The following DNAH11 variants were observed in gnomAD, a reference collection of about 807,000 sequenced individuals.
DNAH11 encodes dynein axonemal heavy chain 11, also known as axonemal beta dynein heavy chain 11.
Under a neutral mutation model 526.0 loss-of-function variants are expected in DNAH11, and 442 were observed. That is an observed-to-expected ratio of 0.84 (90% CI 0.78 to 0.91). The LOEUF (loss-of-function observed/expected upper bound fraction) is 0.91. Ranked by LOEUF, DNAH11 falls within the 40% of genes least tolerant of loss-of-function variation. DNAH11 has a pLI of 0.00. For synonymous variants in DNAH11, 2,461 were observed against 1,935.9 expected, an observed-to-expected ratio of 1.27 and a Z score of -7.12; for missense variants, 6,989 against 5,448.7, an observed-to-expected ratio of 1.28 and a Z score of -8.90.
rs1784869432 is a variant in DNAH11, at chr7:21,901,664, C to T, written c.*410C>T. 1 of 156,832 alleles carries T rather than the reference C, an allele frequency of 6.4e-6. No homozygotes were observed. Among genetic ancestry groups the T allele is most frequent in the Admixed American group, 6.4e-5 (1 of 15,732 alleles). 9.7% of individuals were successfully genotyped at this position (156,832 alleles called of 1,614,324 possible). A position where few individuals can be genotyped will look rare whatever the true frequency, so the allele number is the denominator to read the frequency against. The stretch of plus-strand genomic sequence containing the variant: ...GGAGATTTTAATTTTTAACAAACAA[C>T]AAATTAAATTATTAGCCCTTAAACT... On this transcript the variant is annotated 3_prime_UTR_variant, in exon 82 of 82. Coordinates refer to ENST00000409508, the MANE Select transcript of DNAH11 (RefSeq NM_001277115.2).
chr7:21,803,406 C>T (rs1431574998), intron 62 of DNAH11, among the ~76,000 whole-genome samples: 1 of 152,166 alleles, frequency 6.6e-6, no homozygotes. Flanking sequence ...CATTTTGCCT[C>T]ATGGTCTCAA....
intron 69 of DNAH11, among the ~76,000 whole-genome samples, chr7:21,863,961 C>T (rs1783171195): frequency 6.6e-6 from 1 of 152,180 alleles, no homozygotes; most frequent in Admixed American, 6.5e-5. Flanking sequence ...CATTTGTACT[C>T]TCCAAAATAT....
intron 25 of DNAH11, 58 bp downstream of exon 25, chr7:21,620,136 T>C: frequency 7.5e-7 from 1 of 1,336,248 alleles, no homozygotes; most frequent in Non-Finnish European, 1.0e-6. Flanking sequence ...TGACAAATAA[T>C]TGTATATATA....
intron 46 of DNAH11, among the ~76,000 whole-genome samples, chr7:21,738,063 CTGTT>C (rs754173509): frequency 3.3e-5 from 5 of 152,100 alleles, no homozygotes; most frequent in Non-Finnish European, 5.9e-5. Flanking sequence ...TACTTATAGT[CTGTT>C]TGGAGAGTCA....
At chr7:21,780,956 T>A (rs1370091634) in intron 57 of DNAH11, among the ~76,000 whole-genome samples, 2 of 152,216 alleles carry the variant, frequency 1.3e-5, no homozygotes, top group African/African-American at 4.8e-5. Context: ...AGTGCTCTGA[T>A]GAAAATCCAG....
intron 44 of DNAH11, among the ~76,000 whole-genome samples, chr7:21,722,872 G>A (rs866646641): frequency 6.6e-6 from 1 of 152,090 alleles, no homozygotes; most frequent in Non-Finnish European, 1.5e-5. Context: ...AATCAGGTGG[G>A]ATGTTGATAG....
intron 55 of DNAH11, among the ~76,000 whole-genome samples, chr7:21,769,926 G>A: frequency 6.6e-6 from 1 of 152,004 alleles, no homozygotes; most frequent in East Asian, 1.9e-4. Flanking sequence ...ACTTTGTCTT[G>A]CCTCTGACCA....
At chr7:21,808,098 A>G (rs1789352903) in intron 63 of DNAH11, 49 bp downstream of exon 63, 1 of 1,334,320 alleles carries the variant, frequency 7.5e-7, no homozygotes, top group Non-Finnish European at 9.7e-7. Context: ...TCACATTGAA[A>G]TTTCAGTAGT....
chr7:21,801,012 G>A, intron 61 of DNAH11, 125 bp from the exon 62 acceptor site: 1 of 985,466 alleles, frequency 1.0e-6, no homozygotes, highest in Non-Finnish European at 1.5e-6. Flanking sequence ...GTATGGTAAA[G>A]GGGCAAAGGT....
In DNAH11 at chr7:21,565,180, G is replaced by A. The variant is rs372141841; in HGVS notation, c.1194+783G>A. Among the ~76,000 whole-genome samples, 13 of 152,290 alleles carry A rather than the reference G, an allele frequency of 8.5e-5. No individual in the cohort carries two copies. In the East Asian group the frequency reaches 1.5e-3, roughly 18 times the overall value. On this transcript the variant is annotated intron_variant, in intron 6 of 81. Coordinates refer to ENST00000409508, the MANE Select transcript of DNAH11 (RefSeq NM_001277115.2). ...GAAAGTCTCAGATGAGGGTGCCAGC[G>A]TGCTCAGATTCTGGTGGGGGCCCTC...
At chr7:21,617,534 G>T in intron 22 of DNAH11, 85 bp from the exon 23 acceptor site, 1 of 1,466,618 alleles carries the variant, frequency 6.8e-7, no homozygotes, top group Non-Finnish European at 9.3e-7. Flanking sequence ...CCAGGAGTTG[G>T]GAAATATATG....
chr7:21,864,710 T>C (rs2128032842), intron 70 of DNAH11, 53 bp downstream of exon 70: 1 of 1,506,050 alleles, frequency 6.6e-7, no homozygotes, highest in African/African-American at 1.4e-5. Flanking sequence ...AAATATTAGC[T>C]CTCTCCAGTG....
chr7:21,607,942 A>AG (rs1785365643), intron 20 of DNAH11, among the ~76,000 whole-genome samples: 1 of 149,678 alleles, frequency 6.7e-6, no homozygotes, highest in African/African-American at 2.5e-5. Context: ...ATCTCAAAAA[A>AG]AAAAAAAAAA....
intron 31 of DNAH11, among the ~76,000 whole-genome samples, chr7:21,683,382 G>A (rs1302698224): frequency 6.6e-6 from 1 of 152,148 alleles, no homozygotes; most frequent in African/African-American, 2.4e-5. Flanking sequence ...GAATGAACTT[G>A]GTTGAAAATG....
intron 39 of DNAH11, 82 bp from the exon 40 acceptor site, chr7:21,707,617 G>T: frequency 6.7e-7 from 1 of 1,498,234 alleles, no homozygotes; most frequent in South Asian, 1.4e-5. Context: ...TAATGAATAC[G>T]GAAAACTCTT....
At chr7:21,612,917 C>G (rs114643721) in intron 20 of DNAH11, among the ~76,000 whole-genome samples, 1 of 152,004 alleles carries the variant, frequency 6.6e-6, no homozygotes, top group Non-Finnish European at 1.5e-5. Context: ...ATGATTATCG[C>G]GAGAAATGCC....
At position 21,748,715 on chromosome 7, in the gene DNAH11, C is replaced by T. The variant is rs1464421155; in HGVS notation, c.8646C>T (p.Thr2882=). The part of the protein sequence containing the change: ...RGLEVFQITL[T]EGYGIQELRV... ...TTGAGGTCTTTCAGATCACTCTGAC[C>T]GAGGGCTATGGAATCCAGGAACTTC... The change falls in exon 52 of 82, where the codon ACC becomes ACT. Residue 2882 remains threonine (T), a synonymous_variant. Transcript: ENST00000409508. 6 of 1,613,180 alleles carry T rather than the reference C, an allele frequency of 3.7e-6. No homozygotes were observed. Among genetic ancestry groups the T allele is most frequent in the African/African-American group, 1.3e-5 (1 of 74,850 alleles).
At chr7:21,667,295 C>G (rs559971292) in intron 30 of DNAH11, among the ~76,000 whole-genome samples, 48 of 152,180 alleles carry the variant, frequency 3.2e-4, no homozygotes, top group Middle Eastern at 3.4e-3. Context: ...TATGTCTTGA[C>G]TGAAGAGCAG....
chr7:21,587,592 G>A (rs1784519217), intron 9 of DNAH11, among the ~76,000 whole-genome samples: 1 of 152,092 alleles, frequency 6.6e-6, no homozygotes, highest in South Asian at 2.1e-4. Context: ...TGTACCAGCG[G>A]CCATAGGCAT....
Sources: gnomAD v4.1 joint callset for allele counts (sites outside exome capture counted in the v4.1 genomes callset) on GRCh38, gnomAD v4.1.1 for gene constraint, MANE v1.5 for transcripts, NCBI Gene and HGNC (gene_info 2026-07-23, HGNC 2026-07-21) for gene names.